The following RREB1 variants were observed in gnomAD, a reference collection of about 807,000 sequenced individuals.
RREB1 encodes ras responsive element binding protein 1.
In RREB1, 27 loss-of-function variants were observed where a neutral mutation model predicts 117.8. The observed-to-expected ratio is 0.23, with a 90% CI of 0.17 to 0.32. The LOEUF is 0.32. Among genes scored for constraint, RREB1 ranks in the 10% least tolerant of loss-of-function variants. The pLI is 1.00. For missense variants in RREB1, 2,577 were observed against 2,378.2 expected (o/e 1.08, Z -1.74); for synonymous variants, 1,298 against 1,026.7 (o/e 1.26, Z -5.05).
At chr6:7,140,496 C>T (rs1762518081) in intron 1 of RREB1, among the ~76,000 whole-genome samples, 1 of 152,176 alleles carries the variant, frequency 6.6e-6, no homozygotes, top group African/African-American at 2.4e-5. Flanking sequence ...ATAGAATAAA[C>T]GTGTTTTGGA....
chr6:7,177,218 CAAAAAAAAAA>C (rs552706086), intron 2 of RREB1, among the ~76,000 whole-genome samples: 4 of 34,926 alleles, frequency 1.1e-4, no homozygotes, highest in Admixed American at 3.2e-4. Flanking sequence ...GACTGTCTCA[CAAAAAAAAAA>C]AAAAAAAAAA....
rs371089867 is a variant in RREB1, at chr6:7,248,583, G to A, written c.4844G>A (p.Arg1615Gln). 5 of 1,614,154 alleles carry A rather than the reference G, an allele frequency of 3.1e-6. No homozygotes were observed. Among genetic ancestry groups the A allele is most frequent in the Non-Finnish European group, 3.4e-6 (4 of 1,180,060 alleles). ...TLKHSLVRHQRIHQKARHAKH... is the reference protein window; with the variant it reads ...TLKHSLVRHQQIHQKARHAKH... ...AAGCACAGCCTGGTTCGCCACCAGCGGATCCACCAGAAAGCCAGGCATGCC... is the reference window on the plus strand; with the variant it reads ...AAGCACAGCCTGGTTCGCCACCAGCAGATCCACCAGAAAGCCAGGCATGCC... Residue 1615 changes from arginine to glutamine, a missense_variant, in exon 13 of 13, where the codon CGG becomes CAG. By Grantham distance (43) the Arg-to-Gln change is conservative. Coordinates refer to ENST00000379938, the MANE Select transcript of RREB1 (RefSeq NM_001003699.4).
chr6:7,178,489 T>G (rs914388958), intron 2 of RREB1, among the ~76,000 whole-genome samples: 9 of 152,346 alleles, frequency 5.9e-5, no homozygotes, highest in Non-Finnish European at 1.3e-4. Flanking sequence ...TTTTCTAACG[T>G]AGAACAATGA....
At chr6:7,109,516 C>T (rs983607283) in intron 1 of RREB1, among the ~76,000 whole-genome samples, 8 of 151,360 alleles carry the variant, frequency 5.3e-5, no homozygotes, top group African/African-American at 1.2e-4. Context: ...CCTTTCTCTC[C>T]GGGCGGGGCG....
intron 6 of RREB1, among the ~76,000 whole-genome samples, chr6:7,191,281 G>A (rs1010130781): frequency 6.6e-6 from 1 of 151,768 alleles, no homozygotes; most frequent in Non-Finnish European, 1.5e-5. Context: ...CGTGTAAAGT[G>A]TGCACTTCAG....
At chr6:7,187,412 C>G (rs373220479) in intron 4 of RREB1, 22 bp from the exon 5 acceptor site, 26 of 1,447,408 alleles carry the variant, frequency 1.8e-5, no homozygotes, top group Non-Finnish European at 2.4e-5. Context: ...AATTTATCTT[C>G]CCTTTTAATC....
chr6:7,177,144 G>T (rs1441372925), intron 2 of RREB1, among the ~76,000 whole-genome samples: 2 of 150,868 alleles, frequency 1.3e-5, no homozygotes, highest in African/African-American at 4.9e-5. Context: ...GCTTGAACCT[G>T]GGAGGCAGAG....
At chr6:7,177,730 T>C (rs1221187463) in intron 2 of RREB1, among the ~76,000 whole-genome samples, 1 of 152,050 alleles carries the variant, frequency 6.6e-6, no homozygotes, top group African/African-American at 2.4e-5. Context: ...TTTCTGTCTT[T>C]CTTGTCTTTC....
At chr6:7,201,801 A>T (rs1031279651) in intron 6 of RREB1, among the ~76,000 whole-genome samples, 3 of 152,000 alleles carry the variant, frequency 2.0e-5, no homozygotes, top group African/African-American at 7.3e-5. Context: ...GCTCAAGAGG[A>T]CTGCTGTTCC....
intron 1 of RREB1, among the ~76,000 whole-genome samples, chr6:7,143,105 G>A (rs762814328): frequency 6.6e-6 from 1 of 152,210 alleles, no homozygotes; most frequent in Admixed American, 6.5e-5. Flanking sequence ...CAGCTAAAAG[G>A]GTTAGGAAAT....
chr6:7,245,896 T>G (rs1302601779), intron 11 of RREB1, among the ~76,000 whole-genome samples: 2 of 152,194 alleles, frequency 1.3e-5, no homozygotes, highest in African/African-American at 4.8e-5. Context: ...GGCAAGAGTG[T>G]GCATACCATA....
chr6:7,141,897 T>C (rs1274557025), intron 1 of RREB1, among the ~76,000 whole-genome samples: 1 of 152,178 alleles, frequency 6.6e-6, no homozygotes, highest in African/African-American at 2.4e-5. Context: ...CTCTCCTTTC[T>C]AAAAGGAGCC....
intron 1 of RREB1, among the ~76,000 whole-genome samples, chr6:7,118,483 G>A (rs566382357): frequency 1.6e-4 from 25 of 152,254 alleles, no homozygotes; most frequent in African/African-American, 5.1e-4. Flanking sequence ...TGTTTTGGAG[G>A]ATAATTTTAT....
chr6:7,236,348 C>T (rs1028881988), intron 10 of RREB1, among the ~76,000 whole-genome samples: 30 of 152,302 alleles, frequency 2.0e-4, no homozygotes, highest in African/African-American at 7.2e-4. Context: ...CTTTTTTGAG[C>T]CGGCTCAGGC....
At chr6:7,214,901 C>T (rs1333838093) in intron 8 of RREB1, 3 of 152,214 alleles carry the variant, frequency 2.0e-5, no homozygotes, top group African/African-American at 7.2e-5. Flanking sequence ...CTCCATTTCC[C>T]TCCACTCCAC....
At chr6:7,248,109 A>G (rs1212189235) in intron 12 of RREB1, among the ~76,000 whole-genome samples, 1 of 152,218 alleles carries the variant, frequency 6.6e-6, no homozygotes, top group Non-Finnish European at 1.5e-5. Flanking sequence ...ATCGCAATGC[A>G]GAGGGTAACT....
chr6:7,110,719 G>A (rs1347288245), intron 1 of RREB1, among the ~76,000 whole-genome samples: 1 of 152,224 alleles, frequency 6.6e-6, no homozygotes, highest in Non-Finnish European at 1.5e-5. Flanking sequence ...CTCCATTTTA[G>A]GTTAATGAAC....
At chr6:7,202,484 G>A (rs1216140270) in intron 6 of RREB1, among the ~76,000 whole-genome samples, 2 of 152,144 alleles carry the variant, frequency 1.3e-5, no homozygotes, top group Admixed American at 6.5e-5. Context: ...GATTTTAGTC[G>A]TTGCCCTGGG....
At chr6:7,247,455 G>C (rs998829978) in intron 12 of RREB1, among the ~76,000 whole-genome samples, 6 of 152,202 alleles carry the variant, frequency 3.9e-5, no homozygotes, top group African/African-American at 1.4e-4. Flanking sequence ...TTGTGTTTTT[G>C]AGAACGCTGT....
Sources: allele counts gnomAD v4.1 joint callset (sites outside exome capture counted in the v4.1 genomes callset), GRCh38; gene constraint gnomAD v4.1.1; transcripts MANE v1.5; gene names NCBI Gene and HGNC (gene_info 2026-07-23, HGNC 2026-07-21).